CACNG2: variants seen among roughly 807,000 people sequenced by gnomAD.
CACNG2 encodes the protein voltage-dependent calcium channel gamma-2 subunit.
Under a neutral mutation model 25.9 loss-of-function variants are expected in CACNG2, and 3 were observed. The observed-to-expected ratio is 0.12, with a 90% CI of 0.05 to 0.30. The LOEUF is 0.30. Among genes scored for constraint, CACNG2 ranks in the 10% least tolerant of loss-of-function variants. CACNG2 has a pLI of 1.00. For missense variants in CACNG2, 341 were observed against 432.5 expected (o/e 0.79, Z 1.88); for synonymous variants, 167 against 173.3 (o/e 0.96, Z 0.29).
intron 2 of CACNG2, among the ~76,000 whole-genome samples, chr22:36,582,589 A>G (rs955561595): frequency 1.3e-5 from 2 of 150,738 alleles, no homozygotes; most frequent in African/African-American, 2.4e-5. Context: ...TGGTATTTTT[A>G]GTAGAGACGG....
At chr22:36,616,177 T>C (rs1332310535) in intron 1 of CACNG2, among the ~76,000 whole-genome samples, 1 of 152,204 alleles carries the variant, frequency 6.6e-6, no homozygotes, top group Non-Finnish European at 1.5e-5. Context: ...AAAAGAATAA[T>C]CCTCCTAGTG....
intron 1 of CACNG2, among the ~76,000 whole-genome samples, chr22:36,615,788 T>G (rs556140329): frequency 6.6e-6 from 1 of 152,248 alleles, no homozygotes; most frequent in African/African-American, 2.4e-5. Flanking sequence ...CTGATTTAGC[T>G]TTCTGCTTTC....
At chr22:36,696,134 C>G (rs1198518913) in intron 1 of CACNG2, among the ~76,000 whole-genome samples, 1 of 152,202 alleles carries the variant, frequency 6.6e-6, no homozygotes, top group Non-Finnish European at 1.5e-5. Context: ...AGCTCTCCCC[C>G]AGGATCTGTG....
chr22:36,569,829 C>T (rs1341150324), intron 2 of CACNG2, among the ~76,000 whole-genome samples: 1 of 152,198 alleles, frequency 6.6e-6, no homozygotes, highest in African/African-American at 2.4e-5. Context: ...CCTGAGCCAC[C>T]GCGCCCGGCC....
chr22:36,677,398 C>G (rs1007778040), intron 1 of CACNG2, among the ~76,000 whole-genome samples: 2 of 152,154 alleles, frequency 1.3e-5, no homozygotes, highest in African/African-American at 4.8e-5. Context: ...TAAGCTTTCT[C>G]GGGTCCACGG....
Position 36,679,629 on chromosome 22 carries a change from G to A in CACNG2, c.211+22737C>T, listed in dbSNP as rs1165811473. The stretch of plus-strand genomic sequence containing the variant: ...ACTTGGAGGCGATTGGTTGAGGGAA[G>A]ACTGGAGAGAGCTTTTGTAGCCTTG... On this transcript the variant is annotated intron_variant, in intron 1 of 3. Coordinates refer to ENST00000300105, the MANE Select transcript of CACNG2 (RefSeq NM_006078.5). Among the ~76,000 whole-genome samples the A allele has an allele frequency of 2.6e-5, 4 of 152,280 alleles. No homozygotes were observed. In the East Asian group the frequency reaches 5.8e-4, roughly 22 times the overall value.
intron 1 of CACNG2, among the ~76,000 whole-genome samples, chr22:36,700,726 C>T (rs371168560): frequency 1.2e-4 from 19 of 152,052 alleles, no homozygotes; most frequent in African/African-American, 4.6e-4. Flanking sequence ...AAAACAGTCC[C>T]TATTAATTTC....
intron 1 of CACNG2, among the ~76,000 whole-genome samples, chr22:36,610,894 AC>A (rs1407678887): frequency 6.6e-6 from 1 of 151,428 alleles, no homozygotes; most frequent in Non-Finnish European, 1.5e-5. Flanking sequence ...CACGGGGAAG[AC>A]CCCCAAGGCT....
At chr22:36,595,612 G>T (rs1379915645) in intron 1 of CACNG2, among the ~76,000 whole-genome samples, 1 of 152,232 alleles carries the variant, frequency 6.6e-6, no homozygotes, top group Non-Finnish European at 1.5e-5. Context: ...GGGTGAGGGT[G>T]AGGGTGAGGG....
intron 1 of CACNG2, among the ~76,000 whole-genome samples, chr22:36,602,075 C>T (rs890030330): frequency 1.3e-5 from 2 of 152,054 alleles, no homozygotes; most frequent in African/African-American, 4.8e-5. Context: ...AGATTAGTGA[C>T]GTTGGACACT....
intron 1 of CACNG2, among the ~76,000 whole-genome samples, chr22:36,613,721 C>T (rs150894664): frequency 4.6e-4 from 70 of 152,164 alleles, no homozygotes; most frequent in African/African-American, 1.7e-3. Context: ...GTCTTCTTTC[C>T]CTTGAGTTCT....
chr22:36,699,164 C>T (rs191767151), intron 1 of CACNG2, among the ~76,000 whole-genome samples: 29 of 152,120 alleles, frequency 1.9e-4, no homozygotes, highest in Non-Finnish European at 2.6e-4. Flanking sequence ...CCTGTATCCA[C>T]ATACACACTG....
chr22:36,632,611 A>T (rs897672330), intron 1 of CACNG2, among the ~76,000 whole-genome samples: 1 of 151,512 alleles, frequency 6.6e-6, no homozygotes, highest in Non-Finnish European at 1.5e-5. Flanking sequence ...TCTGATGGTC[A>T]GTTATCTGTC....
intron 1 of CACNG2, among the ~76,000 whole-genome samples, chr22:36,613,993 C>T (rs1414299244): frequency 1.3e-5 from 2 of 152,144 alleles, no homozygotes; most frequent in East Asian, 1.9e-4. Flanking sequence ...CACCCTCCAA[C>T]CCCCAAGTGG....
At chr22:36,661,552 A>C (rs925437580) in intron 1 of CACNG2, among the ~76,000 whole-genome samples, 4 of 152,186 alleles carry the variant, frequency 2.6e-5, no homozygotes, top group African/African-American at 9.7e-5. Flanking sequence ...GAGCATATTA[A>C]GCGATCCTGT....
intron 1 of CACNG2, among the ~76,000 whole-genome samples, chr22:36,655,025 AG>A (rs929358408): frequency 5.3e-5 from 8 of 151,332 alleles, no homozygotes; most frequent in Non-Finnish European, 8.8e-5. Context: ...GTGATTTGGG[AG>A]GGGGGAAAAC....
intron 1 of CACNG2, among the ~76,000 whole-genome samples, chr22:36,659,929 C>T (rs1054012009): frequency 2.0e-5 from 3 of 152,076 alleles, no homozygotes; most frequent in Admixed American, 1.3e-4. Flanking sequence ...CGCCTTGGCT[C>T]CCTGCCACCA....
chr22:36,633,565 TA>T (rs1325304912), intron 1 of CACNG2, among the ~76,000 whole-genome samples: 1 of 152,222 alleles, frequency 6.6e-6, no homozygotes, highest in African/African-American at 2.4e-5. Context: ...CTAGACTTCC[TA>T]AAAAGTCATT....
intron 1 of CACNG2, among the ~76,000 whole-genome samples, chr22:36,677,940 T>C (rs1937039813): frequency 1.3e-5 from 2 of 152,234 alleles, no homozygotes; most frequent in Non-Finnish European, 2.9e-5. Context: ...GTGGTTTGAC[T>C]GCCCCATGAT....
Sources: allele counts gnomAD v4.1 joint callset (sites outside exome capture counted in the v4.1 genomes callset), GRCh38; gene constraint gnomAD v4.1.1; transcripts MANE v1.5; gene names NCBI Gene and HGNC (gene_info 2026-07-23, HGNC 2026-07-21).